Variants in MAGI3 observed in about 807,000 individuals in gnomAD.
MAGI3 encodes membrane-associated guanylate kinase, WW and PDZ domain-containing protein 3.
MAGI3 carries 43 observed loss-of-function variants against 121.8 expected under a neutral mutation model. The ratio of observed to expected loss-of-function variants is 0.35; its 90% CI spans 0.28 to 0.46. The LOEUF (loss-of-function observed/expected upper bound fraction) is 0.46. MAGI3 is among the 20% of genes least tolerant of loss of function. The pLI is 1.00. For synonymous variants in MAGI3, 553 were observed against 639.3 expected (o/e 0.86, Z 2.04); for missense variants, 1,547 against 1,797.3 (o/e 0.86, Z 2.52).
intron 3 of MAGI3, among the ~76,000 whole-genome samples, chr1:113,583,636 C>T (rs578234532): frequency 2.6e-5 from 4 of 152,054 alleles, no homozygotes; most frequent in East Asian, 1.9e-4. Flanking sequence ...TAGAGACCCT[C>T]GAACCTCCTA....
intron 1 of MAGI3, among the ~76,000 whole-genome samples, chr1:113,470,370 A>C (rs1381139362): frequency 6.6e-6 from 1 of 152,076 alleles, no homozygotes; most frequent in African/African-American, 2.4e-5. Context: ...TTGTGGGAAA[A>C]GGGGAAAAAA....
intron 1 of MAGI3, among the ~76,000 whole-genome samples, chr1:113,512,501 G>A (rs1657667668): frequency 6.6e-6 from 1 of 152,184 alleles, no homozygotes; most frequent in Non-Finnish European, 1.5e-5. Context: ...TTGTAAGGGA[G>A]AGAAATAAAA....
intron 9 of MAGI3, among the ~76,000 whole-genome samples, chr1:113,630,762 A>G (rs1048200299): frequency 1.3e-5 from 2 of 152,090 alleles, no homozygotes; most frequent in African/African-American, 4.8e-5. Flanking sequence ...ACAATCACAC[A>G]GATTTCTCCA....
intron 1 of MAGI3, among the ~76,000 whole-genome samples, chr1:113,410,056 C>T (rs1158467044): frequency 1.3e-5 from 2 of 152,124 alleles, no homozygotes; most frequent in South Asian, 2.1e-4. Flanking sequence ...TTTCTTCAGG[C>T]AGCTCCACTT....
Position 113,642,306 on chromosome 1 carries a change from A to G in MAGI3, c.1756A>G (p.Lys586Glu). ...GACTATCCCTTTGATTAAGGGCCCT[A>G]AAGGGTTTGGGTTTGCAATTGCTGA... ...LVTIPLIKGP[K>E]GFGFAIADSP... The change falls in exon 10 of 21, where the codon AAA becomes GAA. Residue 586 changes from lysine (K) to glutamate (E), a missense_variant. Transcript: ENST00000307546. 1 of 1,614,110 alleles carries G rather than the reference A, an allele frequency of 6.2e-7. No individual in the cohort carries two copies. The highest frequency in any genetic ancestry group is 8.5e-7 in the Non-Finnish European group (1 of 1,179,994).
intron 9 of MAGI3, among the ~76,000 whole-genome samples, chr1:113,630,933 A>G (rs1651588296): frequency 6.6e-6 from 1 of 151,964 alleles, no homozygotes; most frequent in Admixed American, 6.6e-5. Flanking sequence ...ACTGCCACTC[A>G]TTTCACTCGG....
chr1:113,482,290 G>A (rs564125618), intron 1 of MAGI3, among the ~76,000 whole-genome samples: 9 of 152,050 alleles, frequency 5.9e-5, no homozygotes, highest in South Asian at 2.1e-4. Context: ...TAAGTCATCC[G>A]GTAGTCTTTT....
intron 1 of MAGI3, among the ~76,000 whole-genome samples, chr1:113,455,792 A>T (rs1654721418): frequency 6.6e-6 from 1 of 152,022 alleles, no homozygotes; most frequent in Non-Finnish European, 1.5e-5. Context: ...ATTTCTGGGT[A>T]TTTATGTCTC....
intron 2 of MAGI3, among the ~76,000 whole-genome samples, chr1:113,551,457 A>G (rs572464208): frequency 2.0e-5 from 3 of 152,346 alleles, no homozygotes; most frequent in Admixed American, 1.3e-4. Context: ...TCTACTGACA[A>G]AGTTCAGACT....
rs530445747 is a variant in MAGI3, at chr1:113,509,503, T to TA, written c.317-40011dup. Among the ~76,000 whole-genome samples, 10 of 135,290 alleles carry TA rather than the reference T, an allele frequency of 7.4e-5. No individual in the cohort carries two copies. In the South Asian group the frequency reaches 2.5e-3, roughly 34 times the overall value. The allele number at this position is 135,290 out of a possible 152,430, so 88.8% of individuals were successfully genotyped here. ...AAATCCATGACACCTTGATAGAAAT[T>TA]AGAGTTTACACAAACAAAAAAGGAA... On this transcript the variant is annotated intron_variant, in intron 1 of 20. Coordinates refer to ENST00000307546, the MANE Select transcript of MAGI3 (RefSeq NM_001142782.2).
At chr1:113,416,767 T>C (rs1469023602) in intron 1 of MAGI3, among the ~76,000 whole-genome samples, 1 of 151,700 alleles carries the variant, frequency 6.6e-6, no homozygotes, top group Non-Finnish European at 1.5e-5. Flanking sequence ...GATATAAATA[T>C]GGACTTCAGA....
In MAGI3 at chr1:113,446,333, G is replaced by A. The variant is rs574368991; in HGVS notation, c.316+54984G>A. ...TTTAAATTAGAATGTTTTAACTTTA[G>A]CATGTTAAATGTAATCCCCATAGTA... On this transcript the variant is annotated intron_variant, in intron 1 of 20. Transcript: ENST00000307546. 5.9e-5 allele frequency among the ~76,000 whole-genome samples: 9 copies of A among 152,212 alleles called. No homozygotes were observed. In the East Asian group the frequency reaches 1.5e-3, roughly 26 times the overall value.
At chr1:113,416,342 TATTA>T (rs1253481564) in intron 1 of MAGI3, among the ~76,000 whole-genome samples, 2 of 50,270 alleles carry the variant, frequency 4.0e-5, no homozygotes, top group East Asian at 3.7e-4. Flanking sequence ...ATCAATCATA[TATTA>T]ATTATATATT....
At chr1:113,680,280 C>G (rs969142766) in intron 19 of MAGI3, among the ~76,000 whole-genome samples, 1 of 152,164 alleles carries the variant, frequency 6.6e-6, no homozygotes, top group African/African-American at 2.4e-5. Flanking sequence ...TGAAAGTACC[C>G]TTCACATTCG....
At chr1:113,430,478 A>G (rs1341583125) in intron 1 of MAGI3, among the ~76,000 whole-genome samples, 2 of 152,174 alleles carry the variant, frequency 1.3e-5, no homozygotes, top group East Asian at 3.8e-4. Context: ...TGGCTTTGTG[A>G]CTTTTTTTAG....
chr1:113,426,994 CCT>C lies in MAGI3; in HGVS notation c.316+35650_316+35651del, dbSNP rs371066910. Among the ~76,000 whole-genome samples the C allele has an allele frequency of 1.6e-4, 24 of 151,960 alleles. 1 individual carries two copies. The South Asian group carries it at 5.0e-3, about 32-fold the overall frequency. ...TGATCATATATATGTCTCTCTCCCC[CCT>C]CTCTTTATATATTTGTGTATGTATA... On this transcript the variant is annotated intron_variant, in intron 1 of 20. Transcript: ENST00000307546.
chr1:113,654,169 T>C, intron 15 of MAGI3, 151 bp downstream of exon 15: 1 of 629,058 alleles, frequency 1.6e-6, no homozygotes, highest in Non-Finnish European at 2.6e-6. Flanking sequence ...TTTTCAAAAT[T>C]AGGTAATTTG....
intron 1 of MAGI3, among the ~76,000 whole-genome samples, chr1:113,541,837 ATCTCAGATTGTGTGGAC>A (rs1268992809): frequency 6.6e-6 from 1 of 152,222 alleles, no homozygotes; most frequent in Admixed American, 6.5e-5. Flanking sequence ...TGGAACTCTT[ATCTCAGATTGTGTGGAC>A]TCTTCCTCAC....
chr1:113,540,638 CT>C (rs1205148804), intron 1 of MAGI3, among the ~76,000 whole-genome samples: 1 of 152,160 alleles, frequency 6.6e-6, no homozygotes, highest in Non-Finnish European at 1.5e-5. Flanking sequence ...TGTTGACAGA[CT>C]GGTGTAGTTG....
Sources: allele counts gnomAD v4.1 joint callset (sites outside exome capture counted in the v4.1 genomes callset), GRCh38; gene constraint gnomAD v4.1.1; transcripts MANE v1.5; gene names NCBI Gene and HGNC (gene_info 2026-07-23, HGNC 2026-07-21).